BRWD1: variants seen among roughly 807,000 people sequenced by gnomAD.
BRWD1 encodes bromodomain and WD repeat-containing protein 1.
Under a neutral mutation model 251.2 loss-of-function variants are expected in BRWD1, and 82 were observed. The ratio of observed to expected loss-of-function variants is 0.33; its 90% confidence interval spans 0.27 to 0.39. The LOEUF (loss-of-function observed/expected upper bound fraction) is 0.39. Among genes scored for constraint, BRWD1 ranks in the 10% least tolerant of loss-of-function variants. BRWD1 has a pLI of 1.00. For synonymous variants in BRWD1, 918 were observed against 902.8 expected, an observed-to-expected ratio of 1.02 and a Z score of -0.30; for missense variants, 2,233 against 2,711.6, an observed-to-expected ratio of 0.82 and a Z score of 3.92.
intron 10 of BRWD1, among the ~76,000 whole-genome samples, chr21:39,277,917 T>C (rs1175351027): frequency 3.9e-5 from 6 of 152,104 alleles, no homozygotes; most frequent in Non-Finnish European, 8.8e-5. Context: ...GGTGTGACCA[T>C]GGCTCACTGC....
At chr21:39,236,564 C>G in intron 23 of BRWD1, 31 bp downstream of exon 23, 1 of 1,498,346 alleles carries the variant, frequency 6.7e-7, no homozygotes, top group Non-Finnish European at 9.1e-7. Context: ...TATCATGATA[C>G]ATGCTATTTT....
chr21:39,238,305 C>T (rs1269726261), intron 22 of BRWD1, among the ~76,000 whole-genome samples, 174 bp downstream of exon 22: 2 of 132,044 alleles, frequency 1.5e-5, no homozygotes, highest in African/African-American at 5.7e-5. Context: ...AAAAAAAAAA[C>T]TCCTGAAATA....
intron 9 of BRWD1, 64 bp from the exon 10 acceptor site, chr21:39,278,877 ATTAGTT>A: frequency 8.2e-7 from 1 of 1,215,230 alleles, no homozygotes. Flanking sequence ...AGCTTAAAAT[ATTAGTT>A]TTAATCTAGC....
intron 4 of BRWD1, among the ~76,000 whole-genome samples, chr21:39,306,372 A>G (rs1044224424): frequency 1.8e-4 from 28 of 152,070 alleles, no homozygotes; most frequent in Admixed American, 4.6e-4. Flanking sequence ...CCTGGCCTAG[A>G]TATCTTTAAA....
rs576807445 is a variant in BRWD1 at position 39,260,167 on chromosome 21, AAAGAT to A, written c.1886-1500_1886-1496del. ...GGCAGTACATAGAGGCTTAATCTAAAAAGATAAGAAGATTTTAATTAGAATTGCTT... is the reference window on the plus strand; with the variant it reads ...GGCAGTACATAGAGGCTTAATCTAAAAAGAAGATTTTAATTAGAATTGCTT... On this transcript the variant is annotated intron_variant, in intron 17 of 40. Coordinates refer to ENST00000342449, the MANE Select transcript of BRWD1 (RefSeq NM_033656.4). Among the ~76,000 whole-genome samples the A allele has an allele frequency of 1.3e-3, 204 of 152,386 alleles. 1 individual carries two copies. The highest frequency in any genetic ancestry group is 4.5e-3 in the African/African-American group (189 of 41,594).
intron 8 of BRWD1, among the ~76,000 whole-genome samples, chr21:39,286,015 A>ACTTTTTTTT: frequency 3.7e-5 from 1 of 26,738 alleles, no homozygotes; most frequent in East Asian, 4.1e-4. Flanking sequence ...CACCATATGA[A>ACTTTTTTTT]CTTTTTTTTT....
Position 39,197,134 on chromosome 21 carries a change from A to T in BRWD1, c.5935T>A (p.Cys1979Ser). Residue 1979 changes from cysteine (C) to serine (S), a missense_variant, in exon 41 of 41, where the codon TGT (cysteine) becomes AGT (serine). By Grantham distance (112) the Cys-to-Ser change is moderately radical. Coordinates refer to ENST00000342449, the MANE Select transcript of BRWD1 (RefSeq NM_033656.4). ...ACTTCACAATGTACACTTCCTTCAC[A>T]ATCACTCAATTTCTTCTTAGCTGTA... ...CTTAKKKLSD[C>S]EGSVHCEVPS... is the part of the protein sequence containing the mutation. The T allele has an allele frequency of 6.2e-7, 1 of 1,614,124 alleles. No individual in the cohort carries two copies. Among genetic ancestry groups the T allele is most frequent in the Non-Finnish European group, 8.5e-7 (1 of 1,179,980 alleles).
chr21:39,194,858 T>C lies in BRWD1; in HGVS notation c.*1401A>G. On this transcript the variant is annotated 3_prime_UTR_variant, in exon 41 of 41. Coordinates refer to ENST00000342449, the MANE Select transcript of BRWD1 (RefSeq NM_033656.4). ...TCAAAGATACACAGGAGAAAAGGGT[T>C]AATTTTGTCTGAAATCAAACACAAT... 6.5e-7 allele frequency: 1 copy of C among 1,532,980 alleles called. No homozygotes were observed. The highest frequency in any genetic ancestry group is 2.4e-5 in the East Asian group (1 of 40,830). The allele number at this position is 1,532,980 out of a possible 1,614,324, so 95.0% of individuals were successfully genotyped here.
Position 39,195,403 on chromosome 21 carries a change from TCA to T in BRWD1, c.*854_*855del, listed in dbSNP as rs1167728547. ...TCTAAGGCACACGAATTCCTCTATTTCACAGAGTAAGATTATGGAAGAGCAAG... is the reference window on the plus strand; with the variant it reads ...TCTAAGGCACACGAATTCCTCTATTTCAGAGTAAGATTATGGAAGAGCAAG... On this transcript the variant is annotated 3_prime_UTR_variant, in exon 41 of 41. Coordinates refer to ENST00000342449, the MANE Select transcript of BRWD1 (RefSeq NM_033656.4). The T allele has an allele frequency of 2.0e-6, 2 of 985,482 alleles. No individual in the cohort carries two copies. Among genetic ancestry groups the T allele is most frequent in the African/African-American group, 3.5e-5 (2 of 57,188 alleles). The allele number at this position is 985,482 out of a possible 1,614,324, so 61.0% of individuals were successfully genotyped here.
chr21:39,198,837 G>C lies in BRWD1; in HGVS notation c.5579C>G (p.Ser1860Cys), dbSNP rs570551503. ...ATCAGTTTCACATCCATGATCTGAG[G>C]AACACTGGGACATAGCAATAGGGTC... is the stretch of plus-strand genomic sequence containing the variant. ...NCDPIAMSQC[S>C]SDHGCETDLD... Residue 1860 changes from serine to cysteine, a missense_variant, in exon 40 of 41, where the codon TCC becomes TGC. Physicochemically the swap from Ser to Cys is moderately radical, Grantham distance 112 (BLOSUM62 -1). Coordinates refer to ENST00000342449, the MANE Select transcript of BRWD1 (RefSeq NM_033656.4). 1 of 1,613,314 alleles carries C rather than the reference G, an allele frequency of 6.2e-7. No homozygotes were observed. The highest frequency in any genetic ancestry group is 1.3e-5 in the African/African-American group (1 of 74,870).
intron 36 of BRWD1, among the ~76,000 whole-genome samples, chr21:39,207,291 C>G (rs1229495728): frequency 6.6e-6 from 1 of 151,826 alleles, no homozygotes; most frequent in African/African-American, 2.4e-5. Context: ...AATAATTAGC[C>G]GGGCATGGTG....
rs771887541 is a variant in BRWD1, at chr21:39,202,314, T to C, written c.4585+11A>G. On this transcript the variant is annotated intron_variant, in intron 38 of 40. Coordinates refer to ENST00000342449, the MANE Select transcript of BRWD1 (RefSeq NM_033656.4). ...CTCAGCAAAGAAATAACATAGTATT[T>C]CACTTCTCACCAGATAATGTAGAAC... The C allele has an allele frequency of 3.1e-6, 5 of 1,592,730 alleles. No homozygotes were observed. The highest frequency in any genetic ancestry group is 3.4e-6 in the Non-Finnish European group (4 of 1,163,612).
intron 36 of BRWD1, among the ~76,000 whole-genome samples, chr21:39,207,945 C>G (rs2032484069): frequency 6.6e-6 from 1 of 152,124 alleles, no homozygotes; most frequent in Non-Finnish European, 1.5e-5. Context: ...ATGAAATTAT[C>G]TAGGACAGGC....
rs966151686 is a variant in BRWD1, at chr21:39,268,725, G to A, written c.1530+1174C>T. On this transcript the variant is annotated intron_variant, in intron 15 of 40. Coordinates refer to ENST00000342449, the MANE Select transcript of BRWD1 (RefSeq NM_033656.4). ...ATAGAGGCCAGGCACAGTGGCTCAC[G>A]CCTGTAATCCCAACACTTTGGGAGG... Among the ~76,000 whole-genome samples, 6 of 152,118 alleles carry A rather than the reference G, an allele frequency of 3.9e-5. 1 individual carries two copies. In the East Asian group the frequency reaches 9.7e-4, roughly 25 times the overall value.
chr21:39,188,243 A>G lies in BRWD1; in HGVS notation c.*8016T>C. On this transcript the variant is annotated 3_prime_UTR_variant, in exon 41 of 41. Coordinates refer to ENST00000342449, the MANE Select transcript of BRWD1 (RefSeq NM_033656.4). ...TGAATTTTAGGTCTTTCTTGCAGCCATGAACAGTCAAACTATCTAAAACTG... is the reference window on the plus strand; with the variant it reads ...TGAATTTTAGGTCTTTCTTGCAGCCGTGAACAGTCAAACTATCTAAAACTG... 1 of 985,406 alleles carries G rather than the reference A, an allele frequency of 1.0e-6. No individual in the cohort carries two copies. Among genetic ancestry groups the G allele is most frequent in the Non-Finnish European group, 1.2e-6 (1 of 829,916 alleles). The allele number at this position is 985,406 out of a possible 1,614,324, so 61.0% of individuals were successfully genotyped here.
rs978851726 is a variant in BRWD1, at chr21:39,193,845, GATTT to G, written c.*2410_*2413del. On this transcript the variant is annotated 3_prime_UTR_variant, in exon 41 of 41. Coordinates refer to ENST00000342449, the MANE Select transcript of BRWD1 (RefSeq NM_033656.4). ...CAATGTAAACATTTTAACTATTAAT[GATTT>G]ATTAATTTTCCTTAAAGGTACTTAG... 3.0e-6 allele frequency: 3 copies of G among 984,660 alleles called. No homozygotes were observed. Among genetic ancestry groups the G allele is most frequent in the African/African-American group, 1.8e-5 (1 of 57,128 alleles). The allele number at this position is 984,660 out of a possible 1,614,324, so 61.0% of individuals were successfully genotyped here. A position where few individuals can be genotyped will look rare whatever the true frequency, so the allele number is the denominator to read the frequency against.
rs575624498 is a variant in BRWD1 at position 39,292,771 on chromosome 21, T to C, written c.831+1040A>G. ...GCGAATTTTTTTTAAACTGCATAGA[T>C]AGGTGAAATTTATATTTTAAGTTTC... On this transcript the variant is annotated intron_variant, in intron 8 of 40. Transcript: ENST00000342449. 3.9e-5 allele frequency among the ~76,000 whole-genome samples: 6 copies of C among 152,294 alleles called. No homozygotes were observed. In the South Asian group the frequency reaches 1.0e-3, roughly 26 times the overall value.
chr21:39,188,063 G>GCTA lies in BRWD1; in HGVS notation c.*8193_*8195dup. The GCTA allele has an allele frequency of 8.1e-6, 8 of 985,420 alleles. No individual in the cohort carries two copies. The highest frequency in any genetic ancestry group is 1.7e-5 in the African/African-American group (1 of 57,370). 61.0% of individuals were successfully genotyped at this position (985,420 alleles called of 1,614,324 possible). A position where few individuals can be genotyped will look rare whatever the true frequency, so the allele number is the denominator to read the frequency against. On this transcript the variant is annotated 3_prime_UTR_variant, in exon 41 of 41. Transcript: ENST00000342449. ...CTCTACACAGCCACATGATGCCAGA[G>GCTA]CTACTACTCCGTGCTGACCAAACTT...
At chr21:39,248,344 G>T (rs892523013) in intron 20 of BRWD1, among the ~76,000 whole-genome samples, 1 of 151,948 alleles carries the variant, frequency 6.6e-6, no homozygotes, top group Non-Finnish European at 1.5e-5. Context: ...AGACGCGGGG[G>T]CTTACACCTG....
Sources: gnomAD v4.1 joint callset for allele counts (sites outside exome capture counted in the v4.1 genomes callset) on GRCh38, gnomAD v4.1.1 for gene constraint, MANE v1.5 for transcripts, NCBI Gene and HGNC (gene_info 2026-07-23, HGNC 2026-07-21) for gene names.